The following PPARGC1A variants were observed in gnomAD, a reference collection of about 807,000 sequenced individuals.
PPARGC1A encodes PPARG coactivator 1 alpha, also known as peroxisome proliferator-activated receptor gamma coactivator 1-alpha.
In PPARGC1A, 25 loss-of-function variants were observed where a neutral mutation model predicts 88.7. The ratio of observed to expected loss-of-function variants is 0.28; its 90% CI spans 0.21 to 0.39. PPARGC1A has a LOEUF of 0.39. Ranked by LOEUF, PPARGC1A falls within the 10% of genes least tolerant of loss-of-function variation. The pLI is 1.00. For missense variants in PPARGC1A, 880 were observed against 968.7 expected (o/e 0.91, Z 1.22); for synonymous variants, 363 against 355.6 (o/e 1.02, Z -0.24).
rs772673507 is a variant in PPARGC1A, at chr4:23,884,943, A to AG, written c.55-13dup. On this transcript the variant is annotated splice_polypyrimidine_tract_variant and intron_variant, in intron 1 of 12. Coordinates refer to ENST00000264867, the MANE Select transcript of PPARGC1A (RefSeq NM_013261.5). Reference sequence around the variant, plus strand: ...ACCAGAGCAGCACACTGCAGGAGGCAGAAAAAAAAAATTTAAAAAAGCTTC... The same window carrying AG: ...ACCAGAGCAGCACACTGCAGGAGGCAGGAAAAAAAAAATTTAAAAAAGCTTC... 4 of 1,539,612 alleles carry AG rather than the reference A, an allele frequency of 2.6e-6. 1 individual carries two copies. Among genetic ancestry groups the AG allele is most frequent in the South Asian group, 2.5e-5 (2 of 79,780 alleles).
chr4:23,800,362 A>G (rs1263382203), intron 12 of PPARGC1A, among the ~76,000 whole-genome samples: 1 of 152,142 alleles, frequency 6.6e-6, no homozygotes, highest in Non-Finnish European at 1.5e-5. Flanking sequence ...ATGCAAAGGA[A>G]CAAAATTAAA....
chr4:24,018,499 G>A, the PPARGC1A span, among the ~76,000 whole-genome samples: 176 of 152,124 alleles, frequency 1.2e-3, 1 homozygote, highest in African/African-American at 4.0e-3. Context: ...GGTGATGAGG[G>A]GGGGCAAACC....
chr4:24,109,803 G>A, the PPARGC1A span, among the ~76,000 whole-genome samples: 1 of 152,160 alleles, frequency 6.6e-6, no homozygotes, highest in Non-Finnish European at 1.5e-5. Context: ...TGAGGGGCAG[G>A]GAGGCAAGGC....
chr4:24,227,124 G>T, the PPARGC1A span, among the ~76,000 whole-genome samples: 2 of 150,892 alleles, frequency 1.3e-5, no homozygotes. Flanking sequence ...TCACTCTGTT[G>T]CCCAGGCTGG....
At chr4:24,171,217 C>A in the PPARGC1A span, among the ~76,000 whole-genome samples, 5 of 152,090 alleles carry the variant, frequency 3.3e-5, no homozygotes, top group African/African-American at 1.2e-4. Flanking sequence ...ACCATCCTGG[C>A]CAACATGGTG....
the PPARGC1A span, among the ~76,000 whole-genome samples, chr4:24,381,295 C>T: frequency 6.6e-6 from 1 of 152,198 alleles, no homozygotes; most frequent in East Asian, 1.9e-4. Flanking sequence ...TGAACAGGAG[C>T]TTATGGATAA....
chr4:24,139,889 G>A, the PPARGC1A span, among the ~76,000 whole-genome samples: 8 of 152,246 alleles, frequency 5.3e-5, no homozygotes, highest in East Asian at 7.7e-4. Context: ...AATTATCCAC[G>A]GGATTAAACC....
At chr4:24,348,840 T>C in the PPARGC1A span, among the ~76,000 whole-genome samples, 2 of 152,172 alleles carry the variant, frequency 1.3e-5, no homozygotes, top group African/African-American at 4.8e-5. Flanking sequence ...TTTGGATCTA[T>C]TGCTTGTGTG....
chr4:23,974,749 C>T, the PPARGC1A span, among the ~76,000 whole-genome samples: 4 of 148,890 alleles, frequency 2.7e-5, no homozygotes, highest in African/African-American at 4.9e-5. Context: ...TCTCCCGCCT[C>T]GGCCTCCCGA....
the PPARGC1A span, among the ~76,000 whole-genome samples, chr4:23,967,753 T>C: frequency 6.6e-6 from 1 of 152,172 alleles, no homozygotes; most frequent in Non-Finnish European, 1.5e-5. Flanking sequence ...CTTTTGAATA[T>C]TGTAATGAGT....
chr4:24,185,229 T>G, the PPARGC1A span, among the ~76,000 whole-genome samples: 2 of 152,062 alleles, frequency 1.3e-5, no homozygotes, highest in Non-Finnish European at 2.9e-5. Flanking sequence ...TTCACCACCC[T>G]CCAAAAATAA....
the PPARGC1A span, among the ~76,000 whole-genome samples, chr4:24,242,108 C>T: frequency 6.6e-6 from 1 of 152,280 alleles, no homozygotes; most frequent in Non-Finnish European, 1.5e-5. Flanking sequence ...TCTCTTTACC[C>T]CTCACACTGA....
the PPARGC1A span, among the ~76,000 whole-genome samples, chr4:24,038,432 C>A: frequency 6.6e-6 from 1 of 152,144 alleles, no homozygotes; most frequent in Non-Finnish European, 1.5e-5. Context: ...TGAGCCAATG[C>A]AATTAACTCA....
chr4:24,430,350 T>C, the PPARGC1A span, among the ~76,000 whole-genome samples: 71,235 of 148,286 alleles, frequency 0.48, 17,799 homozygotes, highest in African/African-American at 0.63. Context: ...CCTCCGCTCC[T>C]GGGTTCACGC....
chr4:23,994,978 G>A, the PPARGC1A span, among the ~76,000 whole-genome samples: 5 of 152,116 alleles, frequency 3.3e-5, no homozygotes, highest in Non-Finnish European at 7.4e-5. Flanking sequence ...ACACATTTAC[G>A]AGGGTATGTT....
At chr4:24,460,429 C>A in the PPARGC1A span, among the ~76,000 whole-genome samples, 1 of 152,016 alleles carries the variant, frequency 6.6e-6, no homozygotes, top group East Asian at 1.9e-4. Flanking sequence ...ATGAATATGG[C>A]CAAAATTCTG....
chr4:23,876,518 A>T (rs1358515415), intron 2 of PPARGC1A, among the ~76,000 whole-genome samples: 4 of 152,106 alleles, frequency 2.6e-5, no homozygotes, highest in African/African-American at 7.2e-5. Flanking sequence ...GGACCCTGGA[A>T]CTCACTCTCA....
chr4:24,381,417 G>T, the PPARGC1A span, among the ~76,000 whole-genome samples: 1 of 152,184 alleles, frequency 6.6e-6, no homozygotes, highest in African/African-American at 2.4e-5. Context: ...GGCACTGATT[G>T]TTTATTAAAA....
chr4:24,128,609 C>A, the PPARGC1A span, among the ~76,000 whole-genome samples: 8 of 150,434 alleles, frequency 5.3e-5, no homozygotes, highest in African/African-American at 2.0e-4. Context: ...ATGGTATGGA[C>A]GCATATTAAG....
Sources: allele counts gnomAD v4.1 joint callset (sites outside exome capture counted in the v4.1 genomes callset), GRCh38; gene constraint gnomAD v4.1.1; transcripts MANE v1.5; gene names NCBI Gene and HGNC (gene_info 2026-07-23, HGNC 2026-07-21).